PTPRG: variants seen among roughly 807,000 people sequenced by gnomAD.
PTPRG encodes the protein protein tyrosine phosphatase receptor type G.
In PTPRG, 102 loss-of-function variants were observed where a neutral mutation model predicts 165.3. The ratio of observed to expected loss-of-function variants is 0.62; its 90% confidence interval spans 0.53 to 0.73. The LOEUF (loss-of-function observed/expected upper bound fraction) is 0.73, where lower values mean the gene tolerates loss of function less well. Among genes scored for constraint, PTPRG ranks in the 30% least tolerant of loss-of-function variants. The pLI, the probability that PTPRG is intolerant of heterozygous loss-of-function variation, is 0.00. For synonymous variants in PTPRG, 675 were observed against 669.5 expected (o/e 1.01, Z -0.13); for missense variants, 1,866 against 1,861.4 (o/e 1.00, Z -0.05).
intron 4 of PTPRG, among the ~76,000 whole-genome samples, chr3:62,026,367 G>A (rs1348725038): frequency 6.6e-6 from 1 of 152,150 alleles, no homozygotes; most frequent in Non-Finnish European, 1.5e-5. Context: ...AAGCTCTTAT[G>A]TTCCATGTGT....
chr3:61,666,468 A>G (rs1339985916), intron 1 of PTPRG, among the ~76,000 whole-genome samples: 2 of 152,196 alleles, frequency 1.3e-5, no homozygotes, highest in Non-Finnish European at 2.9e-5. Context: ...CTATGAGGCT[A>G]GGGGACTTGG....
At chr3:61,584,924 C>A (rs192178831) in intron 1 of PTPRG, among the ~76,000 whole-genome samples, 53 of 152,300 alleles carry the variant, frequency 3.5e-4, no homozygotes, top group African/African-American at 8.2e-4. Context: ...TCATTCTAAT[C>A]TCCACGTTTC....
chr3:62,157,339 A>C, intron 7 of PTPRG, 115 bp downstream of exon 7: 4 of 1,069,942 alleles, frequency 3.7e-6, no homozygotes, highest in Non-Finnish European at 5.2e-6. Context: ...TGTGCATATC[A>C]TTGATTCCTG....
chr3:62,108,120 C>T lies in PTPRG; in HGVS notation c.616-24482C>T, dbSNP rs564401640. On this transcript the variant is annotated intron_variant, in intron 5 of 29. Coordinates refer to ENST00000474889, the MANE Select transcript of PTPRG (RefSeq NM_002841.4). ...TGCAGGTTTGTTACATACGTATACA[C>T]GTGCCCTGGTGGTTTGCTGCACCCA... 5.1e-4 allele frequency among the ~76,000 whole-genome samples: 78 copies of T among 151,870 alleles called. No individual in the cohort carries two copies. In the Middle Eastern group the frequency reaches 0.01, roughly 20 times the overall value.
intron 1 of PTPRG, among the ~76,000 whole-genome samples, chr3:61,716,093 T>G (rs1275080888): frequency 6.6e-6 from 1 of 152,094 alleles, no homozygotes; most frequent in East Asian, 1.9e-4. Flanking sequence ...GGCTCTAAGC[T>G]CTCAGCTCAC....
intron 4 of PTPRG, among the ~76,000 whole-genome samples, chr3:62,058,922 A>T (rs1259149570): frequency 6.6e-6 from 1 of 152,156 alleles, no homozygotes; most frequent in African/African-American, 2.4e-5. Flanking sequence ...CCCTTTGCTT[A>T]TGAGCAATTG....
chr3:61,775,933 A>G (rs569490435), intron 2 of PTPRG, among the ~76,000 whole-genome samples: 1,500 of 21,144 alleles, frequency 0.071, 18 homozygotes, highest in Middle Eastern at 0.11. Flanking sequence ...GTTGTGGGGT[A>G]GGGGGAGGGG....
rs137963905 is a variant in PTPRG, at chr3:61,962,698, C to T, written c.191-26927C>T. Among the ~76,000 whole-genome samples the T allele has an allele frequency of 3.0e-3, 442 of 147,762 alleles. 1 individual carries two copies. The highest frequency in any genetic ancestry group is 4.8e-3 in the Non-Finnish European group (327 of 67,558). On this transcript the variant is annotated intron_variant, in intron 2 of 29. Coordinates refer to ENST00000474889, the MANE Select transcript of PTPRG (RefSeq NM_002841.4). The stretch of plus-strand genomic sequence containing the variant: ...TATGTATGCATTATTTATAATACCT[C>T]ACACATGAATCATACTTATAGTAAG...
chr3:61,752,263 G>T (rs1178864840), intron 2 of PTPRG, among the ~76,000 whole-genome samples: 1 of 152,068 alleles, frequency 6.6e-6, no homozygotes, highest in African/African-American at 2.4e-5. Flanking sequence ...TCAGTGGTTG[G>T]CAAACTACAA....
At chr3:62,070,367 G>A (rs55747924) in intron 4 of PTPRG, among the ~76,000 whole-genome samples, 4,385 of 152,198 alleles carry the variant, frequency 0.029, 189 homozygotes, top group African/African-American at 0.095. Context: ...CACTGATTTT[G>A]TTATTTATTC....
intron 3 of PTPRG, among the ~76,000 whole-genome samples, chr3:61,995,091 T>C (rs1403158207): frequency 5.7e-5 from 8 of 140,718 alleles, no homozygotes; most frequent in South Asian, 2.4e-4. Context: ...TTTCTTTTTT[T>C]TTTTTTTTTT....
At chr3:62,091,581 C>T (rs1350899543) in intron 5 of PTPRG, among the ~76,000 whole-genome samples, 1 of 152,134 alleles carries the variant, frequency 6.6e-6, no homozygotes, top group Non-Finnish European at 1.5e-5. Flanking sequence ...GTGAGTTCCT[C>T]TCCAGGGTCA....
At chr3:61,600,192 A>ATGTGTGTGTGTGTGTGTG (rs1258297289) in intron 1 of PTPRG, among the ~76,000 whole-genome samples, 4 of 106,638 alleles carry the variant, frequency 3.8e-5, no homozygotes, top group East Asian at 2.9e-4. Context: ...ATATATATAT[A>ATGTGTGTGTGTGTGTGTG]TGTGTGTGTG....
intron 2 of PTPRG, among the ~76,000 whole-genome samples, chr3:61,924,615 C>T (rs1322542901): frequency 1.3e-5 from 2 of 152,156 alleles, no homozygotes; most frequent in Non-Finnish European, 2.9e-5. Flanking sequence ...ATAATTGCTC[C>T]TGCTGAAAAT....
At chr3:61,585,093 C>T (rs1700400977) in intron 1 of PTPRG, among the ~76,000 whole-genome samples, 1 of 151,696 alleles carries the variant, frequency 6.6e-6, no homozygotes, top group African/African-American at 2.4e-5. Flanking sequence ...CCAGCCTGGC[C>T]AACATGGCAA....
intron 1 of PTPRG, among the ~76,000 whole-genome samples, chr3:61,582,609 G>A (rs894411156): frequency 9.2e-5 from 14 of 152,302 alleles, no homozygotes; most frequent in African/African-American, 3.1e-4. Context: ...TTGTTGGGAT[G>A]CTGTGAAGGG....
At chr3:61,903,782 A>G (rs1025249525) in intron 2 of PTPRG, among the ~76,000 whole-genome samples, 2 of 152,260 alleles carry the variant, frequency 1.3e-5, no homozygotes, top group African/African-American at 4.8e-5. Flanking sequence ...ATATAAACAT[A>G]TAGTGTGTAT....
rs757944074 is a variant in PTPRG, at chr3:62,271,456, A to T, written c.3083A>T (p.Asp1028Val). 2 of 1,613,736 alleles carry T rather than the reference A, an allele frequency of 1.2e-6. No homozygotes were observed. Among genetic ancestry groups the T allele is most frequent in the Non-Finnish European group, 1.7e-6 (2 of 1,179,724 alleles). ...VIQYHYTQWP[D>V]MGVPEYALPV... ...CAGTATCACTATACACAGTGGCCTG[A>T]CATGGGAGTTCCCGAGTATGCCCTT... The change falls in exon 21 of 30, where the codon GAC (aspartate) becomes GTC (valine). Residue 1028 changes from aspartate to valine, a missense_variant. By Grantham distance (152) the Asp-to-Val change is radical. Around this residue, in one of 3 missense-constraint regions of PTPRG, gnomAD observed 1,452 missense variants for 1,463.0 expected, o/e 0.99. Transcript: ENST00000474889. This position sits in a 1 kb window ranked among gnomAD's most constrained non-coding sequence, Gnocchi z 4.1.
intron 1 of PTPRG, among the ~76,000 whole-genome samples, chr3:61,738,313 C>CATATAT (rs1287861300): frequency 1.3e-4 from 10 of 76,194 alleles, no homozygotes; most frequent in East Asian, 8.5e-4. Flanking sequence ...TATATATATA[C>CATATAT]ATATATATAT....
Sources: gnomAD v4.1 joint callset for allele counts (sites outside exome capture counted in the v4.1 genomes callset) on GRCh38, gnomAD v4.1.1 for gene constraint, gnomAD v4.1.1 regional missense constraint, Gnocchi (gnomAD v3.1) non-coding constraint, MANE v1.5 for transcripts, NCBI Gene and HGNC (gene_info 2026-07-23, HGNC 2026-07-21) for gene names.